Variants in COL11A1 observed in about 807,000 individuals in gnomAD.
COL11A1 encodes the protein collagen type XI alpha 1 chain.
COL11A1 carries 74 observed loss-of-function variants against 265.2 expected under a neutral mutation model. The observed-to-expected ratio is 0.28, with a 90% CI of 0.23 to 0.34. COL11A1 has a LOEUF of 0.34. Ranked by LOEUF, COL11A1 falls within the 10% of genes least tolerant of loss-of-function variation. The pLI is 1.00. For missense variants in COL11A1, 2,165 were observed against 2,263.6 expected (o/e 0.96, Z 0.88); for synonymous variants, 816 against 727.6 (o/e 1.12, Z -1.96).
Position 102,890,494 on chromosome 1 carries a change from C to A in COL11A1, c.4313G>T (p.Gly1438Val). 1 of 1,603,364 alleles carries A rather than the reference C, an allele frequency of 6.2e-7. No individual in the cohort carries two copies. The highest frequency in any genetic ancestry group is 8.5e-7 in the Non-Finnish European group (1 of 1,176,232). Residue 1438 changes from glycine (G) to valine (V), a missense_variant, in exon 58 of 67, where the codon GGC (glycine) becomes GTC (valine). Gly to Val is a moderately radical substitution (Grantham distance 109). Transcript: ENST00000370096. ...AGGGTCACCTTTGAGACCAGGTAAG[C>A]CAGGAGGTCCCTAAATAATAACAAA... is the stretch of plus-strand genomic sequence containing the variant. The part of the protein sequence containing the change: ...DGPPGPMGPP[G>V]LPGLKGDPGS...
intron 1 of COL11A1, among the ~76,000 whole-genome samples, chr1:103,095,916 T>A (rs534144409): frequency 1.3e-5 from 2 of 152,060 alleles, no homozygotes; most frequent in African/African-American, 4.8e-5. Context: ...TAAAAAAGAT[T>A]GACTGCATGG....
intron 8 of COL11A1, among the ~76,000 whole-genome samples, 164 bp from the exon 9 acceptor site, chr1:103,021,933 G>A (rs959564752): frequency 6.7e-5 from 10 of 150,128 alleles, no homozygotes; most frequent in South Asian, 4.2e-4. Flanking sequence ...CTGCAAGCTC[G>A]CCTGCCGGGT....
At chr1:102,890,323 GC>G (rs1651584404) in intron 58 of COL11A1, 127 bp downstream of exon 58, 2 of 837,022 alleles carry the variant, frequency 2.4e-6, no homozygotes, top group Non-Finnish European at 3.7e-6. Context: ...AAGGATTGAA[GC>G]TTTTTTCAGG....
chr1:103,062,257 A>G (rs1008481268), intron 4 of COL11A1, among the ~76,000 whole-genome samples: 7 of 152,118 alleles, frequency 4.6e-5, no homozygotes, highest in Non-Finnish European at 1.0e-4. Flanking sequence ...ACATTTAAGG[A>G]AAAAGATATA....
chr1:102,986,039 T>C (rs1209071844), intron 30 of COL11A1, among the ~76,000 whole-genome samples: 1 of 152,094 alleles, frequency 6.6e-6, no homozygotes, highest in African/African-American at 2.4e-5. Context: ...CTATTCACAC[T>C]CTCTATCTAA....
At chr1:102,943,250 C>G (rs1658917024) in intron 42 of COL11A1, among the ~76,000 whole-genome samples, 1 of 151,964 alleles carries the variant, frequency 6.6e-6, no homozygotes, top group Admixed American at 6.6e-5. Context: ...TACTCCACTC[C>G]TCTATAGTCC....
In COL11A1 at chr1:102,889,480, C is replaced by A. The variant is rs759091446; in HGVS notation, c.4439G>T (p.Gly1480Val). 2 of 1,612,816 alleles carry A rather than the reference C, an allele frequency of 1.2e-6. No homozygotes were observed. Among genetic ancestry groups the A allele is most frequent in the Non-Finnish European group, 8.5e-7 (1 of 1,179,616 alleles). The part of the protein sequence containing the change: ...KGDRGLPGTQ[G>V]SPGAKGDGGI... ...CCCATCCCCTTTTGCTCCTGGAGATCCTTGAGTTCCAGGGAGCCCTCGGTC... is the reference window on the plus strand; with the variant it reads ...CCCATCCCCTTTTGCTCCTGGAGATACTTGAGTTCCAGGGAGCCCTCGGTC... Residue 1480 changes from glycine (G) to valine (V), a missense_variant, in exon 59 of 67, where the codon GGA (glycine) becomes GTA (valine). Gly to Val is a moderately radical substitution (Grantham distance 109). Coordinates refer to ENST00000370096, the MANE Select transcript of COL11A1 (RefSeq NM_001854.4).
At chr1:103,001,060 A>T (rs1481173652) in intron 24 of COL11A1, 2 of 396,364 alleles carry the variant, frequency 5.0e-6, no homozygotes, top group Admixed American at 8.8e-5. Context: ...CACATGAAAT[A>T]TTCAGAAAAC....
chr1:102,878,942 T>C (rs1649891257), intron 66 of COL11A1, among the ~76,000 whole-genome samples: 1 of 152,212 alleles, frequency 6.6e-6, no homozygotes, highest in South Asian at 2.1e-4. Context: ...TCTTCTGCTA[T>C]ATGTTAATTT....
chr1:103,088,962 A>C (rs1056713289), intron 1 of COL11A1, among the ~76,000 whole-genome samples: 3 of 152,168 alleles, frequency 2.0e-5, no homozygotes, highest in Non-Finnish European at 4.4e-5. Context: ...ATCTCCAATA[A>C]AAACTATCGA....
At chr1:102,987,132 T>C (rs1275327427) in intron 30 of COL11A1, among the ~76,000 whole-genome samples, 2 of 152,042 alleles carry the variant, frequency 1.3e-5, no homozygotes, top group African/African-American at 2.4e-5. Flanking sequence ...GAGGAGGGCA[T>C]AGAAGACTAG....
chr1:103,026,023 A>T, intron 6 of COL11A1, 193 bp downstream of exon 6: 1 of 1,483,410 alleles, frequency 6.7e-7, no homozygotes, highest in Non-Finnish European at 9.4e-7. Flanking sequence ...GCACAGATGA[A>T]AGGAAGGCTA....
At chr1:103,093,079 A>C (rs1305122898) in intron 1 of COL11A1, among the ~76,000 whole-genome samples, 1 of 152,126 alleles carries the variant, frequency 6.6e-6, no homozygotes, top group Non-Finnish European at 1.5e-5. Flanking sequence ...CTTTTGCAAA[A>C]CATCTTTTTT....
At chr1:102,976,590 C>T (rs936545474) in intron 35 of COL11A1, among the ~76,000 whole-genome samples, 3 of 152,044 alleles carry the variant, frequency 2.0e-5, no homozygotes, top group Middle Eastern at 3.4e-3. Flanking sequence ...TGAGCCATCG[C>T]GCCTGGCTGG....
chr1:103,026,376 A>G, intron 5 of COL11A1, 44 bp from the exon 6 acceptor site: 1 of 1,212,280 alleles, frequency 8.2e-7, no homozygotes, highest in Non-Finnish European at 1.2e-6. Context: ...TGTTAGTGGC[A>G]AAATACTATT....
chr1:103,090,345 A>G (rs1481982080), intron 1 of COL11A1, among the ~76,000 whole-genome samples: 2 of 152,150 alleles, frequency 1.3e-5, no homozygotes, highest in African/African-American at 4.8e-5. Context: ...TCAAAAAACC[A>G]GTATTGCTAC....
intron 4 of COL11A1, among the ~76,000 whole-genome samples, chr1:103,038,449 G>A (rs956102953): frequency 6.6e-6 from 1 of 152,046 alleles, no homozygotes; most frequent in African/African-American, 2.4e-5. Context: ...CAGCCTGCTC[G>A]ACAAAGCGAG....
chr1:103,014,396 C>T, intron 13 of COL11A1, 115 bp downstream of exon 13: 1 of 894,464 alleles, frequency 1.1e-6, no homozygotes, highest in African/African-American at 1.7e-5. Flanking sequence ...AAGTTTAACA[C>T]AGTATTCGGA....
At chr1:102,961,427 T>A (rs1377514558) in intron 41 of COL11A1, among the ~76,000 whole-genome samples, 4 of 152,214 alleles carry the variant, frequency 2.6e-5, no homozygotes, top group Non-Finnish European at 5.9e-5. Context: ...ATCAAGTACT[T>A]ATAAACAAAT....
Sources: allele counts gnomAD v4.1 joint callset (sites outside exome capture counted in the v4.1 genomes callset), GRCh38; gene constraint gnomAD v4.1.1; transcripts MANE v1.5; gene names NCBI Gene and HGNC (gene_info 2026-07-23, HGNC 2026-07-21).